Variants in PTPRB observed in about 807,000 individuals in gnomAD.
The protein encoded by PTPRB is protein tyrosine phosphatase receptor type B, also known as receptor-type tyrosine-protein phosphatase beta.
A neutral mutation model predicts 238.1 loss-of-function variants in PTPRB; 97 were observed. The observed-to-expected ratio is 0.41, with a 90% CI of 0.35 to 0.48. The LOEUF is 0.48. Ranked by LOEUF, PTPRB falls within the 20% of genes least tolerant of loss-of-function variation. The probability of loss-of-function intolerance (pLI) is 0.30; values close to 1 mark genes in which losing one functional copy is unlikely to be tolerated. For synonymous variants in PTPRB, 970 were observed against 995.4 expected (o/e 0.97, Z 0.48); for missense variants, 2,292 against 2,681.9 (o/e 0.85, Z 3.21).
At chr12:70,529,375 A>G in intron 32 of PTPRB, among the ~76,000 whole-genome samples, 1 of 152,200 alleles carries the variant, frequency 6.6e-6, no homozygotes. Context: ...CAATTACTAG[A>G]GCACACAAAT....
chr12:70,547,313 G>A (rs1876133532), intron 21 of PTPRB, among the ~76,000 whole-genome samples: 1 of 152,178 alleles, frequency 6.6e-6, no homozygotes, highest in African/African-American at 2.4e-5. Flanking sequence ...AGGGAAACAA[G>A]TAGTCACCAC....
At chr12:70,524,273 AT>A (rs35772909) in intron 33 of PTPRB, among the ~76,000 whole-genome samples, 197 bp downstream of exon 33, 292 of 141,838 alleles carry the variant, frequency 2.1e-3, no homozygotes, top group Admixed American at 2.5e-3. Flanking sequence ...ATGTCTGGCT[AT>A]TTTTTTTTTT....
In PTPRB at chr12:70,576,662, TGGG is replaced by T. The variant is rs753042261; in HGVS notation, c.2579-20_2579-18del. 5.8e-3 allele frequency: 89 copies of T among 15,292 alleles called. 2 individuals are homozygous for T. Among genetic ancestry groups the T allele is most frequent in the African/African-American group, 0.024 (73 of 3,082 alleles). The allele number at this position is 15,292 out of a possible 1,614,324, so 0.9% of individuals were successfully genotyped here. A position where few individuals can be genotyped will look rare whatever the true frequency, so the allele number is the denominator to read the frequency against. ...TGGAAGGGACTGTGATTTTGAAAGGTGGGGGGCGGGGGGGGGGGGGAAGGGGGA... is the reference window on the plus strand; with the variant it reads ...TGGAAGGGACTGTGATTTTGAAAGGTGGGCGGGGGGGGGGGGGAAGGGGGA... On this transcript the variant is annotated intron_variant, in intron 10 of 33. Coordinates refer to ENST00000334414, the MANE Select transcript of PTPRB (RefSeq NM_001109754.4).
chr12:70,605,351 G>GTCTA (rs920008510), intron 4 of PTPRB, among the ~76,000 whole-genome samples: 1 of 151,802 alleles, frequency 6.6e-6, no homozygotes. Flanking sequence ...CTATATATTG[G>GTCTA]TCTATCTATC....
At chr12:70,622,340 A>T in intron 3 of PTPRB, 50 bp downstream of exon 3, 1 of 1,583,294 alleles carries the variant, frequency 6.3e-7, no homozygotes, top group African/African-American at 1.3e-5. Context: ...TCAAGCAATG[A>T]GCCTCCTGAG....
At chr12:70,561,855 C>T (rs1878521633) in intron 16 of PTPRB, among the ~76,000 whole-genome samples, 1 of 152,202 alleles carries the variant, frequency 6.6e-6, no homozygotes, top group South Asian at 2.1e-4. Flanking sequence ...TCCCTCCCCG[C>T]TATTGCAGAG....
In PTPRB at chr12:70,516,915, A is replaced by C. The variant is rs2136181824; in HGVS notation, c.*4574T>G. 1 of 152,330 alleles carries C rather than the reference A, an allele frequency of 6.6e-6. No homozygotes were observed. Among genetic ancestry groups the C allele is most frequent in the Middle Eastern group, 3.4e-3 (1 of 294 alleles). 9.4% of individuals were successfully genotyped at this position (152,330 alleles called of 1,614,324 possible). ...GTATCTTATATAGACAATCTTTTAA[A>C]AAATAAAATGCCTTATTTGTGTTGC... is the stretch of plus-strand genomic sequence containing the variant. On this transcript the variant is annotated 3_prime_UTR_variant, in exon 34 of 34. Transcript: ENST00000334414.
chr12:70,575,576 C>T (rs1041167097), intron 11 of PTPRB, among the ~76,000 whole-genome samples: 1 of 152,128 alleles, frequency 6.6e-6, no homozygotes, highest in African/African-American at 2.4e-5. Context: ...AGCCCCAGGT[C>T]CTGCGCTAGG....
At chr12:70,526,803 T>C (rs200424057) in intron 32 of PTPRB, among the ~76,000 whole-genome samples, 12 of 152,332 alleles carry the variant, frequency 7.9e-5, no homozygotes, top group East Asian at 1.9e-4. Context: ...TTTGGGACTT[T>C]AGAGGTAAGC....
In PTPRB at chr12:70,569,911, A is replaced by G. The variant is rs201083678; in HGVS notation, c.3398T>C (p.Ile1133Thr). The part of the protein sequence containing the change: ...TVPSAVKNIH[I>T]SPNGATDSLT... Reference sequence around the variant, plus strand: ...GCTATCTGTTGCTCCATTGGGAGAAATGTGAATATTTTTGACAGCACTAGG... The same window carrying G: ...GCTATCTGTTGCTCCATTGGGAGAAGTGTGAATATTTTTGACAGCACTAGG... The change falls in exon 14 of 34, where the codon ATT (isoleucine) becomes ACT (threonine). Residue 1133 changes from isoleucine to threonine, a missense_variant. By Grantham distance (89) the Ile-to-Thr change is moderately conservative. Transcript: ENST00000334414. 5.0e-6 allele frequency: 8 copies of G among 1,611,544 alleles called. No homozygotes were observed. In the East Asian group the frequency reaches 1.8e-4, roughly 36 times the overall value.
At chr12:70,538,275 ACAGTT>A (rs1431079688) in intron 27 of PTPRB, 44 bp from the exon 28 acceptor site, 1 of 1,537,544 alleles carries the variant, frequency 6.5e-7, no homozygotes, top group Non-Finnish European at 8.9e-7. Flanking sequence ...TGACTTTTCT[ACAGTT>A]TATGTGATGT....
At chr12:70,615,395 G>A (rs531011770) in intron 3 of PTPRB, among the ~76,000 whole-genome samples, 10 of 152,218 alleles carry the variant, frequency 6.6e-5, no homozygotes, top group South Asian at 2.1e-4. Context: ...TGCCGGTTAC[G>A]TCTCTAACAG....
chr12:70,609,324 G>C lies in PTPRB; in HGVS notation c.724C>G (p.Pro242Ala). The change falls in exon 4 of 34, where the codon CCA (proline) becomes GCA (alanine). Residue 242 changes from proline to alanine, a missense_variant. Physicochemically the swap from Pro to Ala is conservative, Grantham distance 27. Coordinates refer to ENST00000334414, the MANE Select transcript of PTPRB (RefSeq NM_001109754.4). Reference sequence around the variant, plus strand: ...GCCAGGGTGAAGTTACATCTCTCTGGCTCCGCCAGTCCAGTCTGCAAAGGA... The same window carrying C: ...GCCAGGGTGAAGTTACATCTCTCTGCCTCCGCCAGTCCAGTCTGCAAAGGA... The part of the protein sequence containing the change: ...STTEETGLAE[P>A]ERCNFTLAES... 1.9e-6 allele frequency: 3 copies of C among 1,613,838 alleles called. No individual in the cohort carries two copies. Among genetic ancestry groups the C allele is most frequent in the Non-Finnish European group, 2.5e-6 (3 of 1,179,848 alleles).
chr12:70,626,612 A>G (rs1442643554), intron 2 of PTPRB, among the ~76,000 whole-genome samples: 1 of 152,118 alleles, frequency 6.6e-6, no homozygotes, highest in East Asian at 1.9e-4. Flanking sequence ...AGGTGTTATT[A>G]GTAATCTAGA....
At chr12:70,590,543 T>C (rs1250646543) in intron 7 of PTPRB, among the ~76,000 whole-genome samples, 1 of 152,042 alleles carries the variant, frequency 6.6e-6, no homozygotes, top group African/African-American at 2.4e-5. Context: ...GGCATTCCTT[T>C]CTTTCTTTTC....
At chr12:70,583,158 T>C (rs1881555718) in intron 9 of PTPRB, among the ~76,000 whole-genome samples, 1 of 152,132 alleles carries the variant, frequency 6.6e-6, no homozygotes, top group African/African-American at 2.4e-5. Context: ...GGCAGTTTTC[T>C]ACAAAGTTAA....
intron 2 of PTPRB, among the ~76,000 whole-genome samples, chr12:70,630,463 T>C (rs1046620504): frequency 6.6e-6 from 1 of 152,202 alleles, no homozygotes; most frequent in African/African-American, 2.4e-5. Flanking sequence ...GCCAATATCA[T>C]ACTGAATGGG....
rs752722769 is a variant in PTPRB at position 70,594,685 on chromosome 12, G to A, written c.1298C>T (p.Ala433Val). The A allele has an allele frequency of 3.2e-5, 52 of 1,613,866 alleles. No individual in the cohort carries two copies. The highest frequency in any genetic ancestry group is 3.0e-4 in the South Asian group (27 of 91,082). The change falls in exon 6 of 34, where the codon GCC becomes GTC. Residue 433 changes from alanine to valine, a missense_variant. Transcript: ENST00000334414. ...GGACCAGGAAATCAGGAGAGAATTG[G>A]CTTTTGTGGAAATACCAATATCTTT... Reference protein sequence around the residue: ...PVKDIGISTKANSLLISWSHG... With the variant: ...PVKDIGISTKVNSLLISWSHG...
At position 70,609,201 on chromosome 12, in the gene PTPRB, C is replaced by T; in HGVS notation, c.847G>A (p.Ala283Thr). 6 of 1,614,026 alleles carry T rather than the reference C, an allele frequency of 3.7e-6. No individual in the cohort carries two copies. The highest frequency in any genetic ancestry group is 5.1e-6 in the Non-Finnish European group (6 of 1,179,888). The stretch of plus-strand genomic sequence containing the variant: ...ATCCGAAAGGTAGGGCACAACGCGG[C>T]CCCCAGGGTGTCACTGCTATAGATG... ...SLIYSSDTLG[A>T]ALCPTFRIDN... The change falls in exon 4 of 34, where the codon GCC (alanine) becomes ACC (threonine). Residue 283 changes from alanine (A) to threonine (T), a missense_variant. Ala to Thr is a moderately conservative substitution (Grantham distance 58). Around this residue, in one of 4 missense-constraint regions of PTPRB, gnomAD observed 1,205 missense variants for 1,287.8 expected, o/e 0.94. Transcript: ENST00000334414.
Sources: gnomAD v4.1 joint callset for allele counts (sites outside exome capture counted in the v4.1 genomes callset) on GRCh38, gnomAD v4.1.1 for gene constraint, gnomAD v4.1.1 regional missense constraint, MANE v1.5 for transcripts, NCBI Gene and HGNC (gene_info 2026-07-23, HGNC 2026-07-21) for gene names.